TDP1: variants seen among roughly 807,000 people sequenced by gnomAD.
The protein encoded by TDP1 is tyr-DNA phosphodiesterase 1.
In TDP1, 64 loss-of-function variants were observed where a neutral mutation model predicts 81.5. The observed-to-expected ratio is 0.79, with a 90% CI of 0.64 to 0.97. The LOEUF (loss-of-function observed/expected upper bound fraction) is 0.97, where lower values mean the gene tolerates loss of function less well. TDP1 is among the 50% of genes least tolerant of loss of function. The probability of loss-of-function intolerance (pLI) is 0.00; values close to 1 mark genes in which losing one functional copy is unlikely to be tolerated. For synonymous variants in TDP1, 256 were observed against 264.3 expected, an observed-to-expected ratio of 0.97 and a Z score of 0.30; for missense variants, 723 against 743.8, an observed-to-expected ratio of 0.97 and a Z score of 0.33.
intron 16 of TDP1, among the ~76,000 whole-genome samples, chr14:90,034,535 G>A (rs986146119): frequency 3.9e-5 from 6 of 152,204 alleles, no homozygotes; most frequent in African/African-American, 9.7e-5. Context: ...AGCCTCACAG[G>A]CTGCTCTGCT....
At chr14:89,987,876 A>AT (rs200847489) in intron 10 of TDP1, among the ~76,000 whole-genome samples, 67 of 152,060 alleles carry the variant, frequency 4.4e-4, no homozygotes, top group African/African-American at 1.4e-3. Context: ...GAAAAAATAC[A>AT]TTTTTTTTAA....
Position 89,963,143 on chromosome 14 carries a change from G to A in TDP1, c.29G>A (p.Trp10Ter), listed in dbSNP as rs1892529425. The A allele has an allele frequency of 6.2e-7, 1 of 1,613,926 alleles. No individual in the cohort carries two copies. Among genetic ancestry groups the A allele is most frequent in the African/African-American group, 1.3e-5 (1 of 74,874 alleles). Residue 10 changes from tryptophan to a stop codon, truncating the protein, a stop_gained, in exon 3 of 17, where the codon TGG becomes TAG. Transcript: ENST00000335725. LOFTEE classifies it high-confidence loss of function. ...TCTCAGGAAGGCGATTATGGGAGGT[G>A]GACCATATCTAGTAGTGATGAAAGT... Reference protein sequence around the residue: MSQEGDYGRWTISSSDESEE... With the variant: MSQEGDYGR
intron 16 of TDP1, among the ~76,000 whole-genome samples, chr14:90,035,346 T>C (rs1376330287): frequency 6.6e-6 from 1 of 152,194 alleles, no homozygotes; most frequent in East Asian, 1.9e-4. Flanking sequence ...CCCCTATGCC[T>C]TTCTGTTGAG....
chr14:90,043,127 T>A lies in TDP1; in HGVS notation c.1811T>A (p.Met604Lys). ...YVKAPDTHGN[M>K]WVPS ...AAAGCACCGGATACGCATGGGAACA[T>A]GTGGGTGCCCTCCTGAGAATCTTGA... The change falls in exon 17 of 17, where the codon ATG becomes AAG. Residue 604 changes from methionine to lysine, a missense_variant. Met to Lys is a moderately conservative substitution (Grantham distance 95, BLOSUM62 -1). Transcript: ENST00000335725. The A allele has an allele frequency of 6.2e-7, 1 of 1,614,202 alleles. No individual in the cohort carries two copies. Among genetic ancestry groups the A allele is most frequent in the Non-Finnish European group, 8.5e-7 (1 of 1,180,036 alleles).
In TDP1 at chr14:89,962,987, T is replaced by G. The variant is rs970354217; in HGVS notation, c.-7-121T>G. The G allele has an allele frequency of 3.9e-6, 6 of 1,553,858 alleles. No individual in the cohort carries two copies. In the African/African-American group the frequency reaches 5.5e-5, roughly 14 times the overall value. Reference sequence around the variant, plus strand: ...ATAAACACCCAAAAAGCAGCTGATGTTAGGTGGTTCAGCCTCTGGAAGGTG... The same window carrying G: ...ATAAACACCCAAAAAGCAGCTGATGGTAGGTGGTTCAGCCTCTGGAAGGTG... On this transcript the variant is annotated intron_variant, in intron 2 of 16. Transcript: ENST00000335725.
intron 14 of TDP1, among the ~76,000 whole-genome samples, chr14:90,002,303 T>C (rs905217960): frequency 6.6e-6 from 1 of 152,226 alleles, no homozygotes; most frequent in South Asian, 2.1e-4. Flanking sequence ...ATCCAAGTCC[T>C]AATTTGAGAT....
chr14:89,962,724 T>G (rs551870471), intron 2 of TDP1, among the ~76,000 whole-genome samples: 1 of 151,828 alleles, frequency 6.6e-6, no homozygotes, highest in East Asian at 1.9e-4. Context: ...AAAAAAAAAT[T>G]AGCCAGACGT....
chr14:90,019,341 G>A lies in TDP1; in HGVS notation c.1567G>A (p.Gly523Arg), dbSNP rs1312261210. The change falls in exon 15 of 17, where the codon GGA (glycine) becomes AGA (arginine). Residue 523 changes from glycine (G) to arginine (R), a missense_variant. Gly to Arg is a moderately radical substitution (Grantham distance 125). Coordinates refer to ENST00000335725, the MANE Select transcript of TDP1 (RefSeq NM_018319.4). ...CGCAAATCTGTCCAAGGCTGCCTGG[G>A]GAGCATTGGAGAAGAATGGCACCCA... ...TSANLSKAAW[G>R]ALEKNGTQLM... The A allele has an allele frequency of 4.3e-6, 7 of 1,612,130 alleles. No homozygotes were observed. Among genetic ancestry groups the A allele is most frequent in the Non-Finnish European group, 5.9e-6 (7 of 1,178,346 alleles).
intron 2 of TDP1, among the ~76,000 whole-genome samples, chr14:89,957,794 C>T (rs1411886978): frequency 6.6e-6 from 1 of 152,230 alleles, no homozygotes; most frequent in Non-Finnish European, 1.5e-5. Flanking sequence ...CTCACACTCA[C>T]CTGCCTTCTC....
At chr14:90,034,757 A>AT (rs893191662) in intron 16 of TDP1, among the ~76,000 whole-genome samples, 23 of 151,840 alleles carry the variant, frequency 1.5e-4, no homozygotes, top group African/African-American at 4.8e-4. Flanking sequence ...CAGAGAAAAG[A>AT]TTTTTTTTTC....
Position 89,963,288 on chromosome 14 carries a change from G to C in TDP1, c.174G>C (p.Arg58Ser). Residue 58 changes from arginine (R) to serine (S), a missense_variant, in exon 3 of 17, where the codon AGG (arginine) becomes AGC (serine). Transcript: ENST00000335725. ...CSEAQKAAHK[R>S]KISPVKFSNT... ...AGGCCCAGAAAGCTGCACACAAGAG[G>C]AAAATATCACCTGTGAAATTCAGCA... 1 of 1,614,146 alleles carries C rather than the reference G, an allele frequency of 6.2e-7. No homozygotes were observed. The highest frequency in any genetic ancestry group is 8.5e-7 in the Non-Finnish European group (1 of 1,180,024).
intron 4 of TDP1, chr14:89,966,960 T>G (rs1893015457): frequency 3.0e-6 from 3 of 984,798 alleles, no homozygotes; most frequent in Non-Finnish European, 2.4e-6. Flanking sequence ...GAAATGTTCT[T>G]TTCTGAAAGT....
chr14:90,012,483 C>T (rs969924300), intron 14 of TDP1, among the ~76,000 whole-genome samples: 2 of 151,580 alleles, frequency 1.3e-5, no homozygotes, highest in Admixed American at 6.6e-5. Flanking sequence ...ATGAGGGCCT[C>T]GTCCCTGGAG....
intron 2 of TDP1, among the ~76,000 whole-genome samples, chr14:89,961,515 C>T (rs780732456): frequency 5.9e-5 from 9 of 152,128 alleles, no homozygotes; most frequent in Non-Finnish European, 8.8e-5. Context: ...CTTGGCATGG[C>T]CTTAGGTCTT....
chr14:90,043,300 T>A lies in TDP1; in HGVS notation c.*157T>A. 2 of 784,100 alleles carry A rather than the reference T, an allele frequency of 2.6e-6. No homozygotes were observed. The highest frequency in any genetic ancestry group is 4.3e-6 in the Non-Finnish European group (2 of 467,318). 48.6% of individuals were successfully genotyped at this position (784,100 alleles called of 1,614,324 possible). A position where few individuals can be genotyped will look rare whatever the true frequency, so the allele number is the denominator to read the frequency against. ...TTATGAATGGATGTTGGTTATACTTTTAATGGACATTAACATTCCTAATAA... is the reference window on the plus strand; with the variant it reads ...TTATGAATGGATGTTGGTTATACTTATAATGGACATTAACATTCCTAATAA... On this transcript the variant is annotated 3_prime_UTR_variant, in exon 17 of 17. Coordinates refer to ENST00000335725, the MANE Select transcript of TDP1 (RefSeq NM_018319.4).
intron 14 of TDP1, among the ~76,000 whole-genome samples, chr14:90,010,341 T>A (rs1029558092): frequency 2.6e-5 from 4 of 152,238 alleles, no homozygotes; most frequent in Admixed American, 2.0e-4. Context: ...GGCAAACATT[T>A]GCAACATAAT....
intron 14 of TDP1, among the ~76,000 whole-genome samples, chr14:90,010,075 T>C (rs1884519730): frequency 6.6e-6 from 1 of 152,224 alleles, no homozygotes; most frequent in Admixed American, 6.5e-5. Flanking sequence ...CAAGATTTAG[T>C]ACATAAGACA....
intron 6 of TDP1, among the ~76,000 whole-genome samples, chr14:89,974,696 C>G (rs914511691): frequency 6.6e-6 from 1 of 152,144 alleles, no homozygotes; most frequent in Non-Finnish European, 1.5e-5. Context: ...CCTGACAACT[C>G]TGGATCTCAG....
At chr14:89,992,326 G>A (rs752211811) in intron 13 of TDP1, among the ~76,000 whole-genome samples, 4 of 152,102 alleles carry the variant, frequency 2.6e-5, no homozygotes, top group South Asian at 2.1e-4. Flanking sequence ...TGTCTGTACC[G>A]TCACACATGC....
Sources: gnomAD v4.1 joint callset for allele counts (sites outside exome capture counted in the v4.1 genomes callset) on GRCh38, gnomAD v4.1.1 for gene constraint, MANE v1.5 for transcripts, NCBI Gene and HGNC (gene_info 2026-07-23, HGNC 2026-07-21) for gene names.